The following PHKB variants were observed in gnomAD, a reference collection of about 807,000 sequenced individuals.
The protein encoded by PHKB is phosphorylase kinase regulatory subunit beta, also known as phosphorylase b kinase regulatory subunit beta.
PHKB carries 122 observed loss-of-function variants against 152.1 expected under a neutral mutation model. That is an observed-to-expected ratio of 0.80 (90% CI 0.69 to 0.93). The LOEUF (loss-of-function observed/expected upper bound fraction) is 0.93, where lower values mean the gene tolerates loss of function less well. Ranked by LOEUF, PHKB falls within the 40% of genes least tolerant of loss-of-function variation. PHKB has a pLI of 0.00. For missense variants in PHKB, 1,304 were observed against 1,328.4 expected, an observed-to-expected ratio of 0.98 and a Z score of 0.29; for synonymous variants, 436 against 464.9, an observed-to-expected ratio of 0.94 and a Z score of 0.80.
At chr16:47,537,880 C>G (rs928471853) in intron 6 of PHKB, among the ~76,000 whole-genome samples, 16 of 142,832 alleles carry the variant, frequency 1.1e-4, no homozygotes, top group Non-Finnish European at 2.1e-4. Context: ...AATTCTCTCT[C>G]TCTCTCTCTC....
chr16:47,612,903 T>C (rs1035551719), intron 14 of PHKB, among the ~76,000 whole-genome samples: 1 of 152,134 alleles, frequency 6.6e-6, no homozygotes, highest in Non-Finnish European at 1.5e-5. Context: ...AATAGAGTGG[T>C]CAGACATATC....
At chr16:47,601,734 C>G (rs146603598) in intron 13 of PHKB, among the ~76,000 whole-genome samples, 17 of 151,724 alleles carry the variant, frequency 1.1e-4, no homozygotes, top group Non-Finnish European at 2.1e-4. Context: ...TTCTAGACTT[C>G]AGCTTGTCTT....
At chr16:47,650,467 T>C in intron 18 of PHKB, 77 bp from the exon 19 acceptor site, 1 of 865,218 alleles carries the variant, frequency 1.2e-6, no homozygotes, top group Non-Finnish European at 2.0e-6. Context: ...TTTTGTTGGC[T>C]CTTTGGCACT....
chr16:47,517,287 CTCTG>C (rs1970614212), intron 6 of PHKB, among the ~76,000 whole-genome samples: 2 of 148,798 alleles, frequency 1.3e-5, no homozygotes, highest in South Asian at 4.2e-4. Context: ...CAGTGTATCA[CTCTG>C]TCTGCCCAGG....
chr16:47,594,108 G>A, intron 11 of PHKB, 29 bp from the exon 12 acceptor site: 1 of 1,131,714 alleles, frequency 8.8e-7, no homozygotes, highest in East Asian at 2.4e-5. Flanking sequence ...AAGCTCAGCT[G>A]CTATTGGATT....
chr16:47,505,268 C>G (rs1970394254), intron 4 of PHKB, among the ~76,000 whole-genome samples: 1 of 152,194 alleles, frequency 6.6e-6, no homozygotes. Flanking sequence ...TTCTGGTAAG[C>G]AGACCTGGCT....
intron 14 of PHKB, among the ~76,000 whole-genome samples, chr16:47,629,384 A>G (rs1972778513): frequency 6.6e-6 from 1 of 152,108 alleles, no homozygotes; most frequent in Non-Finnish European, 1.5e-5. Context: ...GACACTTCTC[A>G]AAAGAAGACA....
intron 1 of PHKB, among the ~76,000 whole-genome samples, chr16:47,473,046 TTTTTTTTG>T (rs1211917574): frequency 6.6e-6 from 1 of 151,246 alleles, no homozygotes; most frequent in Non-Finnish European, 1.5e-5. Flanking sequence ...ATCTGTGTTT[TTTTTTTTG>T]TTTGTTTGTT....
chr16:47,588,942 C>G lies in PHKB; in HGVS notation c.908C>G (p.Pro303Arg). 6.2e-7 allele frequency: 1 copy of G among 1,613,954 alleles called. No homozygotes were observed. The highest frequency in any genetic ancestry group is 8.5e-7 in the Non-Finnish European group (1 of 1,179,906). Residue 303 changes from proline (P) to arginine (R), a missense_variant, in exon 10 of 31, where the codon CCT (proline) becomes CGT (arginine). Pro to Arg is a moderately radical substitution (Grantham distance 103, BLOSUM62 -2). Coordinates refer to ENST00000323584, the MANE Select transcript of PHKB (RefSeq NM_000293.3). Reference protein sequence around the residue: ...DAALLPCISYPAFALDDEVLF... With the variant: ...DAALLPCISYRAFALDDEVLF... ...GCCCTGCTCCCCTGCATCAGTTATCCTGCATTTGCCCTGGATGATGAAGTT... is the reference window on the plus strand; with the variant it reads ...GCCCTGCTCCCCTGCATCAGTTATCGTGCATTTGCCCTGGATGATGAAGTT...
intron 5 of PHKB, among the ~76,000 whole-genome samples, chr16:47,515,095 G>T (rs1028067009): frequency 6.6e-6 from 1 of 152,126 alleles, no homozygotes; most frequent in African/African-American, 2.4e-5. Flanking sequence ...CCATGTATTT[G>T]AGATGGATTG....
At chr16:47,594,003 C>T in intron 11 of PHKB, 134 bp from the exon 12 acceptor site, 2 of 607,102 alleles carry the variant, frequency 3.3e-6, no homozygotes, top group Non-Finnish European at 5.9e-6. Flanking sequence ...CATTTTTTTT[C>T]CACTTTAATT....
chr16:47,538,115 G>C (rs945419473), intron 6 of PHKB, among the ~76,000 whole-genome samples: 2 of 151,952 alleles, frequency 1.3e-5, no homozygotes, highest in African/African-American at 4.8e-5. Context: ...GGCTGGTCTT[G>C]AACTTCTGGG....
intron 7 of PHKB, among the ~76,000 whole-genome samples, chr16:47,564,804 C>A (rs999863303): frequency 1.3e-5 from 2 of 152,078 alleles, no homozygotes; most frequent in African/African-American, 4.8e-5. Context: ...CATTTTCATT[C>A]TTTGCATGTT....
Position 47,678,718 on chromosome 16 carries a change from G to A in PHKB, c.2630+9301G>A, listed in dbSNP as rs575074389. On this transcript the variant is annotated intron_variant, in intron 26 of 30. Transcript: ENST00000323584. ...GCAAAAATTTTCTCCCATTCTGTAGGTTGCCTGTTCACTCTGATGGTGGTT... is the reference window on the plus strand; with the variant it reads ...GCAAAAATTTTCTCCCATTCTGTAGATTGCCTGTTCACTCTGATGGTGGTT... Among the ~76,000 whole-genome samples, 16 of 151,970 alleles carry A rather than the reference G, an allele frequency of 1.1e-4. No homozygotes were observed. The South Asian group carries it at 3.3e-3, about 32-fold the overall frequency.
At chr16:47,628,002 G>T (rs1972741675) in intron 14 of PHKB, among the ~76,000 whole-genome samples, 1 of 152,146 alleles carries the variant, frequency 6.6e-6, no homozygotes, top group African/African-American at 2.4e-5. Context: ...GCTGGATGTT[G>T]GCAGGACCTA....
In PHKB at chr16:47,515,675, A is replaced by G. The variant is rs112948611; in HGVS notation, c.594+74A>G. 29 of 744,244 alleles carry G rather than the reference A, an allele frequency of 3.9e-5. 1 individual carries two copies. The highest frequency in any genetic ancestry group is 2.3e-4 in the East Asian group (9 of 39,016). 46.1% of individuals were successfully genotyped at this position (744,244 alleles called of 1,614,324 possible). A position where few individuals can be genotyped will look rare whatever the true frequency, so the allele number is the denominator to read the frequency against. On this transcript the variant is annotated intron_variant, in intron 6 of 30. Coordinates refer to ENST00000323584, the MANE Select transcript of PHKB (RefSeq NM_000293.3). ...TCTATTTTTTTTTTTAGTTTTCACA[A>G]CTTATTTTTAGTTTATGTAAAATGT... is the stretch of plus-strand genomic sequence containing the variant.
intron 1 of PHKB, among the ~76,000 whole-genome samples, chr16:47,493,863 A>C (rs898762560): frequency 1.3e-5 from 2 of 152,258 alleles, no homozygotes; most frequent in Admixed American, 6.5e-5. Flanking sequence ...AACTCCAACT[A>C]GTAGTTCAAA....
At chr16:47,541,268 T>G (rs1436315934) in intron 6 of PHKB, among the ~76,000 whole-genome samples, 1 of 152,146 alleles carries the variant, frequency 6.6e-6, no homozygotes, top group Admixed American at 6.6e-5. Flanking sequence ...GTCCTTGCAA[T>G]AGTTTGCTGA....
chr16:47,546,099 C>T (rs1456795861), intron 6 of PHKB, among the ~76,000 whole-genome samples: 1 of 152,220 alleles, frequency 6.6e-6, no homozygotes, highest in East Asian at 1.9e-4. Flanking sequence ...TCTTTGAACT[C>T]GTCAAAGTCA....
Sources: allele counts gnomAD v4.1 joint callset (sites outside exome capture counted in the v4.1 genomes callset), GRCh38; gene constraint gnomAD v4.1.1; transcripts MANE v1.5; gene names NCBI Gene and HGNC (gene_info 2026-07-23, HGNC 2026-07-21).